The following PTPRT variants were observed in gnomAD, a reference collection of about 807,000 sequenced individuals.
The protein encoded by PTPRT is receptor-type tyrosine-protein phosphatase T.
A neutral mutation model predicts 176.8 loss-of-function variants in PTPRT; 56 were observed. That is an observed-to-expected ratio of 0.32 (90% CI 0.26 to 0.40). The LOEUF (loss-of-function observed/expected upper bound fraction) is 0.40. PTPRT is among the 10% of genes least tolerant of loss of function. PTPRT has a pLI of 1.00. For synonymous variants in PTPRT, 783 were observed against 739.0 expected, an observed-to-expected ratio of 1.06 and a Z score of -0.96; for missense variants, 1,540 against 1,908.2, an observed-to-expected ratio of 0.81 and a Z score of 3.60.
intron 11 of PTPRT, among the ~76,000 whole-genome samples, chr20:42,338,357 G>A (rs1230945142): frequency 6.6e-6 from 1 of 152,316 alleles, no homozygotes; most frequent in Non-Finnish European, 1.5e-5. Flanking sequence ...CCATTTGTGA[G>A]TTGGAGAGGC....
intron 6 of PTPRT, among the ~76,000 whole-genome samples, chr20:42,701,994 C>T (rs149267635): frequency 6.6e-6 from 1 of 151,846 alleles, no homozygotes. Flanking sequence ...TGCAGCCCCG[C>T]GTCACCGAGG....
chr20:42,319,321 G>A (rs2057766568), intron 11 of PTPRT, among the ~76,000 whole-genome samples: 1 of 151,118 alleles, frequency 6.6e-6, no homozygotes, highest in Non-Finnish European at 1.5e-5. Context: ...GTATAAAGGG[G>A]CTTCCAAGCA....
chr20:42,439,843 C>T (rs929806870), intron 9 of PTPRT, among the ~76,000 whole-genome samples: 1 of 152,190 alleles, frequency 6.6e-6, no homozygotes, highest in African/African-American at 2.4e-5. Context: ...TGCATTCATT[C>T]AGGTAACTAG....
rs556613368 is a variant in PTPRT, at chr20:42,078,115, T to A, written c.*2764A>T. On this transcript the variant is annotated 3_prime_UTR_variant, in exon 31 of 31. Transcript: ENST00000373187. ...GGGAGGCCAGCAGGCCCAGTGGGGGTGGGTCCCCGGGGTCTGCTGAAATAC... is the reference window on the plus strand; with the variant it reads ...GGGAGGCCAGCAGGCCCAGTGGGGGAGGGTCCCCGGGGTCTGCTGAAATAC... 2 of 187,536 alleles carry A rather than the reference T, an allele frequency of 1.1e-5. No individual in the cohort carries two copies. The highest frequency in any genetic ancestry group is 3.9e-4 in the South Asian group (2 of 5,100). The allele number at this position is 187,536 out of a possible 1,614,324, so 11.6% of individuals were successfully genotyped here.
At chr20:42,755,214 A>G (rs368823039) in intron 6 of PTPRT, among the ~76,000 whole-genome samples, 1 of 152,124 alleles carries the variant, frequency 6.6e-6, no homozygotes, top group African/African-American at 2.4e-5. Flanking sequence ...GAATGTCTGT[A>G]TGAAGTCAAG....
intron 1 of PTPRT, among the ~76,000 whole-genome samples, chr20:43,132,231 A>T (rs1310752102): frequency 6.6e-6 from 1 of 152,212 alleles, no homozygotes; most frequent in Non-Finnish European, 1.5e-5. Context: ...TTACATGTAG[A>T]TCCTTGTATA....
chr20:42,880,849 A>G (rs955765077), intron 2 of PTPRT, among the ~76,000 whole-genome samples: 1 of 152,076 alleles, frequency 6.6e-6, no homozygotes, highest in Non-Finnish European at 1.5e-5. Flanking sequence ...ATTTAGGTTG[A>G]CACAAAAGTA....
At chr20:42,236,100 T>C in intron 15 of PTPRT, 129 bp downstream of exon 15, 1 of 742,970 alleles carries the variant, frequency 1.3e-6, no homozygotes. Flanking sequence ...AATAAAAACT[T>C]TAAGGCTACA....
intron 7 of PTPRT, among the ~76,000 whole-genome samples, chr20:42,656,376 C>T (rs1430825542): frequency 2.0e-5 from 3 of 152,086 alleles, no homozygotes; most frequent in Admixed American, 6.6e-5. Flanking sequence ...GAATGGATTC[C>T]GCTCCAAATA....
intron 11 of PTPRT, among the ~76,000 whole-genome samples, chr20:42,329,384 T>C (rs1188695548): frequency 6.6e-6 from 1 of 151,976 alleles, no homozygotes; most frequent in African/African-American, 2.4e-5. Flanking sequence ...TTAAAATGTT[T>C]TGTAAAGCTA....
At chr20:42,400,844 C>T (rs986942303) in intron 9 of PTPRT, among the ~76,000 whole-genome samples, 2 of 151,702 alleles carry the variant, frequency 1.3e-5, no homozygotes, top group Non-Finnish European at 2.9e-5. Flanking sequence ...ACCTTGAGGA[C>T]GAGTTAAAGA....
At position 42,084,778 on chromosome 20, in the gene PTPRT, G is replaced by A; in HGVS notation, c.4040C>T (p.Pro1347Leu). The stretch of plus-strand genomic sequence containing the variant: ...TTTGAGCAGAGAGCGCTTGGAGGGG[G>A]GCGTGTCCCGGTAGGCAGGCCAGCC... The part of the protein sequence containing the change: ...YIGWPAYRDT[P>L]PSKRSLLKVV... The change falls in exon 29 of 31, where the codon CCC (proline) becomes CTC (leucine). Residue 1347 changes from proline (P) to leucine (L), a missense_variant. By Grantham distance (98) the Pro-to-Leu change is moderately conservative (BLOSUM62 -3). This residue lies in a region of PTPRT where 342 missense variants were observed against 394.0 expected (regional missense o/e 0.87). Transcript: ENST00000373187. 1 of 1,557,510 alleles carries A rather than the reference G, an allele frequency of 6.4e-7. No individual in the cohort carries two copies. Among genetic ancestry groups the A allele is most frequent in the Non-Finnish European group, 8.7e-7 (1 of 1,147,456 alleles).
At chr20:43,052,988 T>C (rs1987104956) in intron 1 of PTPRT, among the ~76,000 whole-genome samples, 1 of 151,954 alleles carries the variant, frequency 6.6e-6, no homozygotes, top group African/African-American at 2.4e-5. Context: ...GAAACGTTCA[T>C]AGCAGCACTG....
chr20:42,735,008 CTT>C (rs1375750433), intron 6 of PTPRT, among the ~76,000 whole-genome samples: 1 of 152,192 alleles, frequency 6.6e-6, no homozygotes, highest in Non-Finnish European at 1.5e-5. Context: ...AAGAGTGAAT[CTT>C]TGCAGAAAAA....
intron 7 of PTPRT, among the ~76,000 whole-genome samples, chr20:42,623,156 C>T (rs1470643489): frequency 6.6e-6 from 1 of 152,244 alleles, no homozygotes; most frequent in Non-Finnish European, 1.5e-5. Flanking sequence ...CATGTGCAGC[C>T]TCATTCTTCC....
chr20:42,198,180 G>T (rs143328521), intron 16 of PTPRT, among the ~76,000 whole-genome samples: 17 of 152,300 alleles, frequency 1.1e-4, no homozygotes, highest in African/African-American at 3.1e-4. Context: ...AAGCTGTGTG[G>T]CTCTGAGATG....
At chr20:42,150,738 C>T (rs537213985) in intron 17 of PTPRT, among the ~76,000 whole-genome samples, 6 of 152,254 alleles carry the variant, frequency 3.9e-5, no homozygotes, top group African/African-American at 7.2e-5. Flanking sequence ...GTCAGTAATA[C>T]ATCCTGAAGG....
chr20:42,386,416 G>A (rs779189643), intron 9 of PTPRT, among the ~76,000 whole-genome samples: 6 of 152,186 alleles, frequency 3.9e-5, no homozygotes, highest in African/African-American at 7.2e-5. Flanking sequence ...ATCCTCTGGA[G>A]GTACAGGATG....
intron 5 of PTPRT, among the ~76,000 whole-genome samples, chr20:42,764,204 T>C (rs1227411599): frequency 2.0e-5 from 3 of 152,080 alleles, no homozygotes; most frequent in East Asian, 3.9e-4. Context: ...CCTTTGGCTA[T>C]AGCAATGAGG....
Sources: gnomAD v4.1 joint callset for allele counts (sites outside exome capture counted in the v4.1 genomes callset) on GRCh38, gnomAD v4.1.1 for gene constraint, gnomAD v4.1.1 regional missense constraint, MANE v1.5 for transcripts, NCBI Gene and HGNC (gene_info 2026-07-23, HGNC 2026-07-21) for gene names.